Variants in SPON1 observed in about 807,000 individuals in gnomAD.
SPON1 encodes spondin-1.
SPON1 carries 52 observed loss-of-function variants against 111.7 expected under a neutral mutation model. That is an observed-to-expected ratio of 0.47 (90% CI 0.37 to 0.59). The LOEUF is 0.59. Ranked by LOEUF, SPON1 falls within the 20% of genes least tolerant of loss-of-function variation. SPON1 has a pLI of 0.00. For missense variants in SPON1, 957 were observed against 1,068.5 expected, an observed-to-expected ratio of 0.90 and a Z score of 1.46; for synonymous variants, 410 against 395.8, an observed-to-expected ratio of 1.04 and a Z score of -0.43.
chr11:14,176,626 CAG>C (rs2133885058), intron 6 of SPON1, among the ~76,000 whole-genome samples: 1 of 152,284 alleles, frequency 6.6e-6, no homozygotes, highest in Admixed American at 6.5e-5. Context: ...GGGCTACAGA[CAG>C]ATATCCTGTG....
chr11:14,001,620 C>T (rs1310793403), intron 2 of SPON1, among the ~76,000 whole-genome samples: 2 of 152,172 alleles, frequency 1.3e-5, no homozygotes, highest in Non-Finnish European at 2.9e-5. Context: ...TAGACCGTTA[C>T]CCTTTCCCAA....
At chr11:14,028,256 A>T (rs1320853623) in intron 2 of SPON1, among the ~76,000 whole-genome samples, 1 of 152,114 alleles carries the variant, frequency 6.6e-6, no homozygotes, top group Non-Finnish European at 1.5e-5. Flanking sequence ...CTGAGGCAGG[A>T]GGATTGCTTG....
chr11:14,197,440 A>G (rs1272704835), intron 6 of SPON1, among the ~76,000 whole-genome samples: 1 of 152,012 alleles, frequency 6.6e-6, no homozygotes, highest in East Asian at 1.9e-4. Context: ...TCTAGAATCC[A>G]TGAAGCTTAA....
chr11:14,183,336 C>T (rs1554933839), intron 6 of SPON1, among the ~76,000 whole-genome samples: 1 of 152,150 alleles, frequency 6.6e-6, no homozygotes, highest in Non-Finnish European at 1.5e-5. Context: ...CTATTTTTCT[C>T]CCTCTTCTGC....
intron 6 of SPON1, among the ~76,000 whole-genome samples, chr11:14,232,866 G>C (rs1405502185): frequency 1.3e-5 from 2 of 152,148 alleles, no homozygotes; most frequent in South Asian, 2.1e-4. Flanking sequence ...TGGCCAGTGG[G>C]GCAGCGGCGG....
chr11:14,116,305 T>C (rs1258467597), intron 5 of SPON1, among the ~76,000 whole-genome samples: 1 of 152,178 alleles, frequency 6.6e-6, no homozygotes, highest in African/African-American at 2.4e-5. Flanking sequence ...TAAGAAGTTT[T>C]TGCCTACCTC....
At chr11:14,243,099 G>A (rs1242389394) in intron 6 of SPON1, among the ~76,000 whole-genome samples, 2 of 152,214 alleles carry the variant, frequency 1.3e-5, no homozygotes, top group African/African-American at 2.4e-5. Context: ...AACCAAAGGT[G>A]TGACTCAGTG....
chr11:14,248,143 T>C (rs1302641425), intron 7 of SPON1, among the ~76,000 whole-genome samples: 1 of 151,858 alleles, frequency 6.6e-6, no homozygotes, highest in African/African-American at 2.4e-5. Context: ...ACAAGAAAGA[T>C]CAAGGCTACA....
intron 6 of SPON1, among the ~76,000 whole-genome samples, chr11:14,176,632 T>C (rs12793973): frequency 0.45 from 68,042 of 151,924 alleles, 15,430 homozygotes; most frequent in East Asian, 0.55. Context: ...CAGACAGATA[T>C]CCTGTGATGG....
intron 6 of SPON1, among the ~76,000 whole-genome samples, chr11:14,154,924 A>C (rs1554930226): frequency 6.6e-6 from 1 of 152,140 alleles, no homozygotes; most frequent in Non-Finnish European, 1.5e-5. Context: ...AGATACCCTA[A>C]ATCATCACTC....
At chr11:14,099,092 T>C (rs1211793286) in intron 5 of SPON1, among the ~76,000 whole-genome samples, 1 of 152,230 alleles carries the variant, frequency 6.6e-6, no homozygotes, top group Non-Finnish European at 1.5e-5. Flanking sequence ...CCCCAAGTTA[T>C]CCAATTTCTT....
chr11:14,222,634 T>C (rs1290476595), intron 6 of SPON1, among the ~76,000 whole-genome samples: 1 of 152,186 alleles, frequency 6.6e-6, no homozygotes, highest in African/African-American at 2.4e-5. Context: ...ACTTGAATCC[T>C]CCCTCATCTG....
intron 1 of SPON1, among the ~76,000 whole-genome samples, chr11:13,978,291 A>G (rs1485327885): frequency 6.6e-6 from 1 of 152,134 alleles, no homozygotes; most frequent in African/African-American, 2.4e-5. Context: ...CAAAGAGCAT[A>G]CTGGGATTTT....
intron 5 of SPON1, among the ~76,000 whole-genome samples, chr11:14,130,266 T>C (rs975787270): frequency 3.9e-5 from 6 of 152,064 alleles, no homozygotes; most frequent in East Asian, 1.9e-4. Context: ...ACAGAAGAGA[T>C]GATTGGATGG....
intron 2 of SPON1, among the ~76,000 whole-genome samples, chr11:14,023,211 G>A (rs1848493479): frequency 6.6e-6 from 1 of 152,172 alleles, no homozygotes; most frequent in African/African-American, 2.4e-5. Flanking sequence ...GAAAGCCACT[G>A]GAAGTCTTTA....
intron 5 of SPON1, among the ~76,000 whole-genome samples, chr11:14,130,439 A>G (rs1554927432): frequency 6.6e-6 from 1 of 152,142 alleles, no homozygotes; most frequent in Non-Finnish European, 1.5e-5. Flanking sequence ...TTAGGCTGAT[A>G]TGGTTTGTCT....
chr11:14,160,517 A>C (rs1591393383), intron 6 of SPON1, among the ~76,000 whole-genome samples: 1 of 12,636 alleles, frequency 7.9e-5, no homozygotes, highest in Non-Finnish European at 1.2e-4. Flanking sequence ...ATTTATATAT[A>C]TATTTACATA....
At chr11:14,204,233 C>T (rs1173773606) in intron 6 of SPON1, among the ~76,000 whole-genome samples, 4 of 152,202 alleles carry the variant, frequency 2.6e-5, no homozygotes, top group Non-Finnish European at 5.9e-5. Context: ...TTGGGCACAT[C>T]CCCTTGGCTC....
At chr11:14,024,534 C>T (rs143767533) in intron 2 of SPON1, among the ~76,000 whole-genome samples, 13 of 152,236 alleles carry the variant, frequency 8.5e-5, no homozygotes, top group African/African-American at 1.2e-4. Flanking sequence ...CCTCAGAGTC[C>T]GCATTGTTCC....
Sources: allele counts gnomAD v4.1 joint callset (sites outside exome capture counted in the v4.1 genomes callset), GRCh38; gene constraint gnomAD v4.1.1; transcripts MANE v1.5; gene names NCBI Gene and HGNC (gene_info 2026-07-23, HGNC 2026-07-21).